Variants in ARHGAP26 observed in about 807,000 individuals in gnomAD.
ARHGAP26 encodes rho GTPase-activating protein 26.
A neutral mutation model predicts 104.8 loss-of-function variants in ARHGAP26; 38 were observed. That is an observed-to-expected ratio of 0.36 (90% CI 0.28 to 0.48). The LOEUF is 0.48. Ranked by LOEUF, ARHGAP26 falls within the 20% of genes least tolerant of loss-of-function variation. The pLI, the probability that ARHGAP26 is intolerant of heterozygous loss-of-function variation, is 0.99. For synonymous variants in ARHGAP26, 341 were observed against 340.0 expected (o/e 1.00, Z -0.03); for missense variants, 704 against 947.9 (o/e 0.74, Z 3.38).
chr5:143,209,302 G>A (rs917731890), intron 21 of ARHGAP26, among the ~76,000 whole-genome samples: 1 of 152,130 alleles, frequency 6.6e-6, no homozygotes, highest in African/African-American at 2.4e-5. Flanking sequence ...TTTCCAGACT[G>A]TTTTTCCTTC....
intron 12 of ARHGAP26, among the ~76,000 whole-genome samples, chr5:143,023,335 A>C (rs1227509167): frequency 6.6e-6 from 1 of 152,182 alleles, no homozygotes; most frequent in Non-Finnish European, 1.5e-5. Flanking sequence ...CTGACTGTAC[A>C]TTTCCTTCAT....
At chr5:142,889,734 C>G (rs1758225145) in intron 5 of ARHGAP26, among the ~76,000 whole-genome samples, 1 of 152,054 alleles carries the variant, frequency 6.6e-6, no homozygotes, top group Non-Finnish European at 1.5e-5. Flanking sequence ...TTAAACTGAG[C>G]CCAGAAGGAA....
chr5:142,793,825 C>T (rs252451), intron 1 of ARHGAP26, among the ~76,000 whole-genome samples: 39,120 of 151,958 alleles, frequency 0.26, 8,105 homozygotes, highest in African/African-American at 0.55. Flanking sequence ...TGGCCTCAAG[C>T]GATCTGCCTG....
intron 5 of ARHGAP26, among the ~76,000 whole-genome samples, chr5:142,892,582 A>T (rs1758816665): frequency 6.6e-6 from 1 of 151,906 alleles, no homozygotes; most frequent in South Asian, 2.1e-4. Context: ...TGCTTAGGTA[A>T]CCATTATCAT....
intron 4 of ARHGAP26, among the ~76,000 whole-genome samples, chr5:142,882,242 G>A (rs564318134): frequency 1.3e-5 from 2 of 152,270 alleles, no homozygotes; most frequent in Non-Finnish European, 2.9e-5. Flanking sequence ...CTCTAAAATG[G>A]GGGTAATAAT....
chr5:142,844,397 T>G (rs111308376), intron 1 of ARHGAP26, among the ~76,000 whole-genome samples: 3,368 of 151,590 alleles, frequency 0.022, 131 homozygotes, highest in African/African-American at 0.078. Context: ...ATGAATGAGT[T>G]AGCAGTTTTA....
At chr5:143,138,196 G>T (rs1002228174) in intron 19 of ARHGAP26, among the ~76,000 whole-genome samples, 1 of 152,134 alleles carries the variant, frequency 6.6e-6, no homozygotes, top group Non-Finnish European at 1.5e-5. Context: ...TAAAGCTGTG[G>T]TCTATTCTCA....
intron 20 of ARHGAP26, among the ~76,000 whole-genome samples, chr5:143,181,780 T>G (rs1191568021): frequency 6.6e-6 from 1 of 152,216 alleles, no homozygotes; most frequent in Non-Finnish European, 1.5e-5. Flanking sequence ...TTTGTTTTGT[T>G]TTTGTTTTTT....
intron 17 of ARHGAP26, among the ~76,000 whole-genome samples, chr5:143,078,591 G>C (rs1290671227): frequency 1.3e-5 from 2 of 152,182 alleles, no homozygotes; most frequent in Non-Finnish European, 2.9e-5. Flanking sequence ...TTTTGTTTCA[G>C]AGAAAACTTT....
At chr5:143,037,656 G>C (rs246635) in intron 13 of ARHGAP26, among the ~76,000 whole-genome samples, 17,349 of 152,200 alleles carry the variant, frequency 0.11, 1,376 homozygotes, top group South Asian at 0.28. Context: ...CATAATAATT[G>C]TAATGTGTTA....
intron 17 of ARHGAP26, among the ~76,000 whole-genome samples, chr5:143,071,118 C>T (rs567926089): frequency 2.6e-5 from 4 of 151,930 alleles, no homozygotes; most frequent in Non-Finnish European, 5.9e-5. Flanking sequence ...AAAAGCAGGC[C>T]TATAGACCAA....
At position 142,840,547 on chromosome 5, in the gene ARHGAP26, G is replaced by A. The variant is rs1004005925; in HGVS notation, c.155-32853G>A. On this transcript the variant is annotated intron_variant, in intron 1 of 22. Coordinates refer to ENST00000645722, the MANE Select transcript of ARHGAP26 (RefSeq NM_001135608.3). ...ACCTTCAAGTCATGTGGAAAAGACA[G>A]ACAGTAAACAAGAAAATGTTTAAGA... is the stretch of plus-strand genomic sequence containing the variant. Among the ~76,000 whole-genome samples, 22 of 152,310 alleles carry A rather than the reference G, an allele frequency of 1.4e-4. 1 individual carries two copies. In the South Asian group the frequency reaches 3.3e-3, roughly 23 times the overall value.
At chr5:142,856,481 CTAGGTTTTGG>C in intron 1 of ARHGAP26, among the ~76,000 whole-genome samples, 1 of 152,256 alleles carries the variant, frequency 6.6e-6, no homozygotes, top group South Asian at 2.1e-4. Context: ...GGCAGAACCC[CTAGGTTTTGG>C]TAACAATATG....
In ARHGAP26 at chr5:143,222,443, C is replaced by G; in HGVS notation, c.2277C>G (p.Leu759=). The G allele has an allele frequency of 6.3e-7, 1 of 1,592,432 alleles. No homozygotes were observed. Among genetic ancestry groups the G allele is most frequent in the Non-Finnish European group, 8.6e-7 (1 of 1,164,606 alleles). Residue 759 remains leucine, a synonymous_variant, in exon 23 of 23, where the codon CTC becomes CTG. Transcript: ENST00000645722. ...TCCCTGAGAATTACGTGGAGTTCCTCTAACCGTGGGCCCCAGCAGAACTGC... is the reference window on the plus strand; with the variant it reads ...TCCCTGAGAATTACGTGGAGTTCCTGTAACCGTGGGCCCCAGCAGAACTGC... ...GLIPENYVEF[L] is the part of the protein sequence containing the mutation.
chr5:143,014,032 A>G (rs1288443367), intron 11 of ARHGAP26, 48 bp from the exon 12 acceptor site: 2 of 1,580,828 alleles, frequency 1.3e-6, no homozygotes, highest in Non-Finnish European at 1.7e-6. Flanking sequence ...GTGAACCTAT[A>G]GGGTGGCATA....
intron 11 of ARHGAP26, among the ~76,000 whole-genome samples, chr5:142,969,954 G>A (rs1771992362): frequency 6.6e-6 from 1 of 152,146 alleles, no homozygotes; most frequent in African/African-American, 2.4e-5. Flanking sequence ...TTGAGGTTGG[G>A]GATGTATGTA....
chr5:142,809,981 G>A (rs1226625470), intron 1 of ARHGAP26, among the ~76,000 whole-genome samples: 1 of 152,156 alleles, frequency 6.6e-6, no homozygotes, highest in Admixed American at 6.5e-5. Context: ...TACAGCTGTG[G>A]ATAAGATGCC....
chr5:143,088,054 G>A (rs1279140660), intron 17 of ARHGAP26, among the ~76,000 whole-genome samples: 1 of 152,146 alleles, frequency 6.6e-6, no homozygotes, highest in Non-Finnish European at 1.5e-5. Context: ...GTCCTGGGAT[G>A]TGGCACTTCT....
Position 142,871,054 on chromosome 5 carries a change from T to C in ARHGAP26, c.155-2346T>C, listed in dbSNP as rs1464272227. On this transcript the variant is annotated intron_variant, in intron 1 of 22. Coordinates refer to ENST00000645722, the MANE Select transcript of ARHGAP26 (RefSeq NM_001135608.3). The surrounding 1 kb of genome is among the most constrained non-coding windows in gnomAD (Gnocchi z 4.1). The stretch of plus-strand genomic sequence containing the variant: ...CATCAGGATTCTCGCTCTACCCAGC[T>C]TTCCTCATTGGCTTGAAGCCCAATA... 2.0e-5 allele frequency among the ~76,000 whole-genome samples: 3 copies of C among 152,226 alleles called. No homozygotes were observed. The highest frequency in any genetic ancestry group is 4.4e-5 in the Non-Finnish European group (3 of 68,042).
Sources: allele counts gnomAD v4.1 joint callset (sites outside exome capture counted in the v4.1 genomes callset), GRCh38; gene constraint gnomAD v4.1.1; non-coding constraint Gnocchi (gnomAD v3.1); transcripts MANE v1.5; gene names NCBI Gene and HGNC (gene_info 2026-07-23, HGNC 2026-07-21).